Variants in RAB7A observed in about 807,000 individuals in gnomAD.
RAB7A encodes the protein ras-related protein Rab-7a.
Under a neutral mutation model 24.5 loss-of-function variants are expected in RAB7A, and 2 were observed. The observed-to-expected ratio is 0.08, with a 90% CI of 0.03 to 0.26. The LOEUF is 0.26. Among genes scored for constraint, RAB7A ranks in the 10% least tolerant of loss-of-function variants. RAB7A has a pLI of 1.00. For synonymous variants in RAB7A, 100 were observed against 95.9 expected (o/e 1.04, Z -0.25); for missense variants, 118 against 255.7 (o/e 0.46, Z 3.67).
At position 128,761,868 on chromosome 3, in the gene RAB7A, T is replaced by C. The variant is rs1324818263; in HGVS notation, c.-8-33492T>C. Among the ~76,000 whole-genome samples, 9 of 152,216 alleles carry C rather than the reference T, an allele frequency of 5.9e-5. No homozygotes were observed. In the East Asian group the frequency reaches 1.7e-3, roughly 29 times the overall value. On this transcript the variant is annotated intron_variant, in intron 1 of 5. Transcript: ENST00000265062. ...GCAACCGAGCATTTAATGTTTTCAT[T>C]TATATTTATGCCTGCCAAACTGTGG...
intron 1 of RAB7A, among the ~76,000 whole-genome samples, chr3:128,787,562 G>A (rs1933365774): frequency 6.6e-6 from 1 of 152,238 alleles, no homozygotes; most frequent in African/African-American, 2.4e-5. Context: ...GACTGTGGAT[G>A]TGATGAACAC....
At chr3:128,798,947 G>T in intron 3 of RAB7A, 1 of 227,454 alleles carries the variant, frequency 4.4e-6, no homozygotes, top group Non-Finnish European at 8.8e-6. Flanking sequence ...CAAACTATTG[G>T]GATAGGAGTA....
intron 3 of RAB7A, among the ~76,000 whole-genome samples, chr3:128,804,928 C>G (rs888133000): frequency 6.6e-6 from 1 of 152,192 alleles, no homozygotes; most frequent in Non-Finnish European, 1.5e-5. Context: ...TCTCCCATGT[C>G]ACCCCATCTG....
At chr3:128,727,220 G>A (rs750242300) in intron 1 of RAB7A, among the ~76,000 whole-genome samples, 4 of 152,212 alleles carry the variant, frequency 2.6e-5, no homozygotes, top group Admixed American at 2.6e-4. Context: ...ACCCTCTGAA[G>A]TACCACTGTT....
chr3:128,770,972 C>CTT (rs35146916), intron 1 of RAB7A, among the ~76,000 whole-genome samples: 20 of 141,884 alleles, frequency 1.4e-4, no homozygotes, highest in African/African-American at 4.1e-4. Context: ...GGGAATGTGA[C>CTT]TTTTTTTTTT....
At chr3:128,762,136 A>G (rs982356503) in intron 1 of RAB7A, among the ~76,000 whole-genome samples, 3 of 152,240 alleles carry the variant, frequency 2.0e-5, no homozygotes, top group African/African-American at 7.2e-5. Flanking sequence ...TTATGTAGGA[A>G]TACTTTCTAT....
intron 1 of RAB7A, among the ~76,000 whole-genome samples, chr3:128,747,914 C>T (rs1420235819): frequency 2.0e-5 from 3 of 151,674 alleles, no homozygotes; most frequent in South Asian, 2.1e-4. Flanking sequence ...ATTGCAGGCA[C>T]GTGCCACCAC....
intron 3 of RAB7A, among the ~76,000 whole-genome samples, chr3:128,802,651 G>C (rs1053854629): frequency 6.6e-6 from 1 of 151,220 alleles, no homozygotes; most frequent in East Asian, 2.0e-4. Flanking sequence ...GGGACTACAG[G>C]TGTGTGCCAC....
At chr3:128,729,093 T>C (rs2070408516) in intron 1 of RAB7A, among the ~76,000 whole-genome samples, 1 of 152,210 alleles carries the variant, frequency 6.6e-6, no homozygotes, top group South Asian at 2.1e-4. Flanking sequence ...TAGTATATCC[T>C]TCTAGGTAGT....
chr3:128,744,876 C>CTT (rs1242538121), intron 1 of RAB7A, among the ~76,000 whole-genome samples: 43 of 139,384 alleles, frequency 3.1e-4, no homozygotes, highest in Admixed American at 5.0e-4. Context: ...TTTTCTTTTT[C>CTT]TTTTTTTTTT....
chr3:128,764,168 A>T (rs1463126918), intron 1 of RAB7A, among the ~76,000 whole-genome samples: 2 of 151,086 alleles, frequency 1.3e-5, no homozygotes, highest in African/African-American at 4.9e-5. Context: ...GCTCCCTGTG[A>T]CTCCTTTCTG....
intron 1 of RAB7A, among the ~76,000 whole-genome samples, chr3:128,731,039 T>C (rs996076560): frequency 6.6e-6 from 1 of 152,216 alleles, no homozygotes; most frequent in Non-Finnish European, 1.5e-5. Flanking sequence ...GGAAAGGAAG[T>C]TCTCTCTTCT....
chr3:128,803,299 GATTAC>G (rs1274787250), intron 3 of RAB7A, among the ~76,000 whole-genome samples: 1 of 152,242 alleles, frequency 6.6e-6, no homozygotes, highest in African/African-American at 2.4e-5. Flanking sequence ...TTGATTAATA[GATTAC>G]ATTAAACATG....
intron 3 of RAB7A, among the ~76,000 whole-genome samples, chr3:128,803,825 T>C (rs755808399): frequency 1.6e-4 from 25 of 152,136 alleles, no homozygotes; most frequent in Non-Finnish European, 1.3e-4. Flanking sequence ...GAAAATGCAA[T>C]GAGGGAAGGG....
chr3:128,780,344 AT>A (rs1252338438), intron 1 of RAB7A, among the ~76,000 whole-genome samples: 1 of 152,158 alleles, frequency 6.6e-6, no homozygotes, highest in Non-Finnish European at 1.5e-5. Flanking sequence ...CCAGCAGGCC[AT>A]TTTTTTCAAC....
In RAB7A at chr3:128,797,928, T is replaced by C. The variant is rs748552184; in HGVS notation, c.54-15T>C. On this transcript the variant is annotated splice_polypyrimidine_tract_variant and intron_variant, in intron 2 of 5. Coordinates refer to ENST00000265062, the MANE Select transcript of RAB7A (RefSeq NM_004637.6). Reference sequence around the variant, plus strand: ...TCCTATTTGACTTATACTTATGGTTTTTCTCCAATTTCAGAGTCGGGAAGA... The same window carrying C: ...TCCTATTTGACTTATACTTATGGTTCTTCTCCAATTTCAGAGTCGGGAAGA... The C allele has an allele frequency of 2.5e-6, 4 of 1,612,918 alleles. No homozygotes were observed. In the South Asian group the frequency reaches 4.4e-5, roughly 18 times the overall value.
chr3:128,795,751 C>CTTTTTTTATTTTTTTTT (rs1933555711), intron 2 of RAB7A, among the ~76,000 whole-genome samples: 1 of 43,032 alleles, frequency 2.3e-5, no homozygotes. Flanking sequence ...AGCAGATGTG[C>CTTTTTTTATTTTTTTTT]TTTTTTTTTT....
intron 1 of RAB7A, among the ~76,000 whole-genome samples, chr3:128,771,060 C>G (rs1202866213): frequency 5.3e-5 from 8 of 151,808 alleles, no homozygotes; most frequent in Non-Finnish European, 1.2e-4. Context: ...ACCCCCACTT[C>G]CCGGGTTCAA....
intron 1 of RAB7A, among the ~76,000 whole-genome samples, chr3:128,730,233 C>CT (rs35639393): frequency 1.9e-3 from 274 of 143,060 alleles, no homozygotes; most frequent in South Asian, 6.9e-3. Context: ...TGTTTTAAAA[C>CT]TTTTTTTTTT....
Sources: gnomAD v4.1 joint callset for allele counts (sites outside exome capture counted in the v4.1 genomes callset) on GRCh38, gnomAD v4.1.1 for gene constraint, MANE v1.5 for transcripts, NCBI Gene and HGNC (gene_info 2026-07-23, HGNC 2026-07-21) for gene names.